Variants in CLCN3 observed in about 807,000 individuals in gnomAD.
CLCN3 encodes Cl-/H+ antiporter 3.
In CLCN3, 16 loss-of-function variants were observed where a neutral mutation model predicts 83.4. That is an observed-to-expected ratio of 0.19 (90% CI 0.13 to 0.29). CLCN3 has a LOEUF of 0.29. Ranked by LOEUF, CLCN3 falls within the 10% of genes least tolerant of loss-of-function variation. The pLI is 1.00. For missense variants in CLCN3, 544 were observed against 1,006.0 expected (o/e 0.54, Z 6.21); for synonymous variants, 322 against 346.2 (o/e 0.93, Z 0.78).
chr4:169,690,635 G>A lies in CLCN3; in HGVS notation c.712G>A (p.Gly238Ser). 6.2e-7 allele frequency: 1 copy of A among 1,612,346 alleles called. No homozygotes were observed. Among genetic ancestry groups the A allele is most frequent in the Non-Finnish European group, 8.5e-7 (1 of 1,179,236 alleles). ...LVKVFAPYACGSGIPEIKTIL... is the reference protein window; with the variant it reads ...LVKVFAPYACSSGIPEIKTIL... Reference sequence around the variant, plus strand: ...AAAGGTATTTGCTCCATATGCCTGTGGCTCTGGAATTCCAGAGGTAAGCCA... The same window carrying A: ...AAAGGTATTTGCTCCATATGCCTGTAGCTCTGGAATTCCAGAGGTAAGCCA... Residue 238 changes from glycine (G) to serine (S), a missense_variant, in exon 6 of 13, where the codon GGC becomes AGC. Physicochemically the swap from Gly to Ser is moderately conservative, Grantham distance 56 (BLOSUM62 0). Transcript: ENST00000513761.
chr4:169,674,113 T>C (rs952394713), intron 2 of CLCN3, among the ~76,000 whole-genome samples: 1 of 152,214 alleles, frequency 6.6e-6, no homozygotes, highest in African/African-American at 2.4e-5. Flanking sequence ...AGAAAAAAGT[T>C]TTTTTTCCTG....
chr4:169,681,865 G>A (rs1373231625), intron 3 of CLCN3, among the ~76,000 whole-genome samples: 1 of 152,174 alleles, frequency 6.6e-6, no homozygotes, highest in Non-Finnish European at 1.5e-5. Flanking sequence ...ATAAAACACT[G>A]CTGGATTCTC....
At chr4:169,685,823 ATGGAGTTTAG>A (rs1214998848) in intron 3 of CLCN3, among the ~76,000 whole-genome samples, 3 of 152,218 alleles carry the variant, frequency 2.0e-5, no homozygotes, top group African/African-American at 7.2e-5. Flanking sequence ...GAAAAGCAAC[ATGGAGTTTAG>A]TGATTATTTT....
At chr4:169,717,997 A>G in intron 12 of CLCN3, 1 of 546,436 alleles carries the variant, frequency 1.8e-6, no homozygotes, top group Non-Finnish European at 3.3e-6. Flanking sequence ...TGCCAATTAC[A>G]TTTGTATCTG....
intron 12 of CLCN3, among the ~76,000 whole-genome samples, chr4:169,719,688 A>G (rs921285838): frequency 6.7e-6 from 1 of 149,806 alleles, no homozygotes; most frequent in Non-Finnish European, 1.5e-5. Context: ...TCTCGGTGGA[A>G]AGGCTGTCAT....
intron 1 of CLCN3, among the ~76,000 whole-genome samples, chr4:169,635,222 A>C (rs1773473183): frequency 6.6e-6 from 1 of 152,166 alleles, no homozygotes; most frequent in South Asian, 2.1e-4. Flanking sequence ...GCAGCTTAAA[A>C]GTCTATTACT....
At chr4:169,707,348 G>C in intron 11 of CLCN3, 82 bp downstream of exon 11, 1 of 1,108,380 alleles carries the variant, frequency 9.0e-7, no homozygotes, top group Non-Finnish European at 1.3e-6. Flanking sequence ...ACATTTAATG[G>C]GTTGGATTTG....
At chr4:169,633,124 T>C (rs1260708840) in intron 1 of CLCN3, among the ~76,000 whole-genome samples, 2 of 152,150 alleles carry the variant, frequency 1.3e-5, no homozygotes, top group Admixed American at 6.5e-5. Context: ...GCGATTTTCA[T>C]GCCTCAGGCT....
chr4:169,675,730 T>G (rs1255036993), intron 2 of CLCN3, among the ~76,000 whole-genome samples: 1 of 152,186 alleles, frequency 6.6e-6, no homozygotes, highest in East Asian at 1.9e-4. Context: ...TAAATGTTTC[T>G]TTGTTTATGT....
At chr4:169,699,679 C>A (rs540799688) in intron 9 of CLCN3, among the ~76,000 whole-genome samples, 36 of 152,096 alleles carry the variant, frequency 2.4e-4, no homozygotes, top group Admixed American at 5.2e-4. Context: ...GTCAGGAGAT[C>A]GAGACCATCC....
chr4:169,669,445 C>T (rs1010337775), intron 2 of CLCN3, among the ~76,000 whole-genome samples: 1 of 152,060 alleles, frequency 6.6e-6, no homozygotes, highest in Non-Finnish European at 1.5e-5. Flanking sequence ...GCTATGTTTC[C>T]ACCACTGCTT....
chr4:169,627,473 T>G (rs1773264535), intron 1 of CLCN3, among the ~76,000 whole-genome samples: 1 of 152,196 alleles, frequency 6.6e-6, no homozygotes, highest in Non-Finnish European at 1.5e-5. Context: ...CTTGTTGATG[T>G]CTGTCACCTT....
At chr4:169,681,579 T>A (rs1159915233) in intron 3 of CLCN3, among the ~76,000 whole-genome samples, 1 of 152,204 alleles carries the variant, frequency 6.6e-6, no homozygotes, top group African/African-American at 2.4e-5. Context: ...ATCCAGTGAT[T>A]CTTAAACTTT....
intron 2 of CLCN3, among the ~76,000 whole-genome samples, chr4:169,678,745 G>T (rs1178217156): frequency 6.6e-6 from 1 of 152,156 alleles, no homozygotes; most frequent in Admixed American, 6.5e-5. Context: ...GTAAGGTTAT[G>T]GATTAACAGC....
At chr4:169,707,302 A>G in intron 11 of CLCN3, 36 bp downstream of exon 11, 1 of 1,449,618 alleles carries the variant, frequency 6.9e-7, no homozygotes, top group Non-Finnish European at 9.3e-7. Context: ...TATATATGAG[A>G]TGGATTTCTG....
chr4:169,723,497 G>A lies in CLCN3; in HGVS notation c.*3500G>A, dbSNP rs1351177698. The A allele has an allele frequency of 7.0e-6, 1 of 143,788 alleles. No individual in the cohort carries two copies. Among genetic ancestry groups the A allele is most frequent in the African/African-American group, 2.6e-5 (1 of 38,602 alleles). The allele number at this position is 143,788 out of a possible 1,614,324, so 8.9% of individuals were successfully genotyped here. ...TTCAAAAGTGATTTTTTTTTTTTTCGCAAGAAAAATTACGCTATTTGCATG... is the reference window on the plus strand; with the variant it reads ...TTCAAAAGTGATTTTTTTTTTTTTCACAAGAAAAATTACGCTATTTGCATG... On this transcript the variant is annotated 3_prime_UTR_variant, in exon 13 of 13. Transcript: ENST00000513761.
chr4:169,633,659 AT>A (rs1773437008), intron 1 of CLCN3, among the ~76,000 whole-genome samples: 1 of 152,202 alleles, frequency 6.6e-6, no homozygotes, highest in African/African-American at 2.4e-5. Context: ...GTAATTTTTA[AT>A]TTTTCAGTAG....
intron 1 of CLCN3, among the ~76,000 whole-genome samples, chr4:169,623,143 T>C (rs1773148423): frequency 6.6e-6 from 1 of 152,220 alleles, no homozygotes; most frequent in African/African-American, 2.4e-5. Context: ...TTTCTTGCTA[T>C]TTCTTGTGAG....
At position 169,720,296 on chromosome 4, in the gene CLCN3, G is replaced by T; in HGVS notation, c.*299G>T. On this transcript the variant is annotated 3_prime_UTR_variant, in exon 13 of 13. Coordinates refer to ENST00000513761, the MANE Select transcript of CLCN3 (RefSeq NM_001829.4). ...CATTCAGCTGAGGATGTGCCTGATA[G>T]TGCAGGCTTGCGCCTCAACAGAGAT... 2.3e-6 allele frequency: 1 copy of T among 428,004 alleles called. No individual in the cohort carries two copies. The highest frequency in any genetic ancestry group is 4.1e-6 in the Non-Finnish European group (1 of 241,466). 26.5% of individuals were successfully genotyped at this position (428,004 alleles called of 1,614,324 possible).
Sources: allele counts gnomAD v4.1 joint callset (sites outside exome capture counted in the v4.1 genomes callset), GRCh38; gene constraint gnomAD v4.1.1; transcripts MANE v1.5; gene names NCBI Gene and HGNC (gene_info 2026-07-23, HGNC 2026-07-21).